Variants in CNTN6 observed in about 807,000 individuals in gnomAD.
CNTN6 encodes the protein contactin-6.
In CNTN6, 137 loss-of-function variants were observed where a neutral mutation model predicts 122.8. That is an observed-to-expected ratio of 1.12 (90% CI 0.97 to 1.29). The LOEUF is 1.29. Ranked by LOEUF, CNTN6 falls within the 50% of genes most tolerant of loss-of-function variation. The pLI, the probability that CNTN6 is intolerant of heterozygous loss-of-function variation, is 0.00. For synonymous variants in CNTN6, 570 were observed against 426.0 expected (o/e 1.34, Z -4.16); for missense variants, 1,634 against 1,223.4 (o/e 1.34, Z -5.01).
At chr3:1,301,131 G>A (rs934148152) in intron 7 of CNTN6, among the ~76,000 whole-genome samples, 3 of 143,816 alleles carry the variant, frequency 2.1e-5, no homozygotes, top group Admixed American at 7.2e-5. Flanking sequence ...CCGCGTCCCC[G>A]GTTCAAGTGA....
intron 1 of CNTN6, among the ~76,000 whole-genome samples, chr3:1,095,472 A>G (rs2090479138): frequency 6.6e-6 from 1 of 152,122 alleles, no homozygotes; most frequent in African/African-American, 2.4e-5. Context: ...CTCCATCTCA[A>G]ACAAACAAAC....
At chr3:1,201,101 GT>G (rs2093862654) in intron 2 of CNTN6, among the ~76,000 whole-genome samples, 1 of 9,400 alleles carries the variant, frequency 1.1e-4, no homozygotes, top group Non-Finnish European at 3.2e-4. Flanking sequence ...CTAACATTTT[GT>G]GTGTGTGTGT....
chr3:1,356,993 G>C (rs552608970), intron 12 of CNTN6, among the ~76,000 whole-genome samples: 1 of 151,900 alleles, frequency 6.6e-6, no homozygotes, highest in Admixed American at 6.6e-5. Flanking sequence ...TGTTGTCTTG[G>C]TCTTCATGAA....
At chr3:1,385,864 GTTCAT>G in intron 20 of CNTN6, 67 bp downstream of exon 20, 1 of 1,391,202 alleles carries the variant, frequency 7.2e-7, no homozygotes, top group Non-Finnish European at 9.6e-7. Context: ...TTTGCTTGAT[GTTCAT>G]TTCATTCCCA....
At chr3:1,281,898 T>C (rs1474937559) in intron 5 of CNTN6, among the ~76,000 whole-genome samples, 2 of 152,160 alleles carry the variant, frequency 1.3e-5, no homozygotes, top group Non-Finnish European at 2.9e-5. Context: ...ATGCTTTCTT[T>C]TTAGTGTATT....
intron 11 of CNTN6, among the ~76,000 whole-genome samples, chr3:1,341,674 A>C (rs1703910079): frequency 6.6e-6 from 1 of 152,198 alleles, no homozygotes; most frequent in Non-Finnish European, 1.5e-5. Context: ...CAAAGATCAC[A>C]CTTAAATTTT....
intron 4 of CNTN6, among the ~76,000 whole-genome samples, chr3:1,248,559 C>T (rs1248884242): frequency 6.6e-6 from 1 of 152,098 alleles, no homozygotes; most frequent in Admixed American, 6.5e-5. Flanking sequence ...TGAAGTTGGG[C>T]CTGTAATCTC....
chr3:1,282,981 C>G (rs1442453731), intron 5 of CNTN6, among the ~76,000 whole-genome samples: 2 of 151,190 alleles, frequency 1.3e-5, no homozygotes, highest in African/African-American at 4.9e-5. Context: ...ACACAAAACT[C>G]TTTTTTTTTG....
chr3:1,202,262 CG>C (rs1183055309), intron 2 of CNTN6, among the ~76,000 whole-genome samples: 1 of 152,226 alleles, frequency 6.6e-6, no homozygotes, highest in Non-Finnish European at 1.5e-5. Flanking sequence ...ATGTTTGGGC[CG>C]GGCGCGGTGG....
chr3:1,238,032 A>C (rs535014810), intron 4 of CNTN6, among the ~76,000 whole-genome samples: 5 of 152,136 alleles, frequency 3.3e-5, no homozygotes, highest in South Asian at 4.2e-4. Context: ...ACAAAAAAAA[A>C]CCACAAGGTA....
intron 4 of CNTN6, among the ~76,000 whole-genome samples, chr3:1,232,185 G>T (rs1366138882): frequency 6.6e-6 from 1 of 152,162 alleles, no homozygotes; most frequent in African/African-American, 2.4e-5. Context: ...ATGATAAAAG[G>T]TAGTCATGAA....
intron 5 of CNTN6, among the ~76,000 whole-genome samples, chr3:1,285,285 A>G (rs1461212308): frequency 1.3e-5 from 2 of 152,202 alleles, no homozygotes; most frequent in African/African-American, 2.4e-5. Flanking sequence ...AGGATTTGGG[A>G]CCGAGCAACT....
rs1388510535 is a variant in CNTN6, at chr3:1,353,072, T to G, written c.1492+621T>G. On this transcript the variant is annotated intron_variant, in intron 12 of 22. Coordinates refer to ENST00000446702, the MANE Select transcript of CNTN6 (RefSeq NM_001289080.2). Reference sequence around the variant, plus strand: ...CAGTATCAATCCAAATGTTCCTACATTTATCACCAAGGACATAATTAATAT... The same window carrying G: ...CAGTATCAATCCAAATGTTCCTACAGTTATCACCAAGGACATAATTAATAT... 4.0e-5 allele frequency among the ~76,000 whole-genome samples: 6 copies of G among 151,786 alleles called. 1 individual carries two copies. The highest frequency in any genetic ancestry group is 4.0e-4 in the Admixed American group (6 of 15,180).
chr3:1,146,447 A>T (rs1233725714), intron 1 of CNTN6, among the ~76,000 whole-genome samples: 2 of 151,936 alleles, frequency 1.3e-5, no homozygotes, highest in Non-Finnish European at 1.5e-5. Flanking sequence ...TTTTCATCCC[A>T]TGTACACACA....
chr3:1,148,204 A>G (rs1222944542), intron 2 of CNTN6, 141 bp downstream of exon 2: 4 of 621,190 alleles, frequency 6.4e-6, no homozygotes, highest in South Asian at 2.3e-5. Flanking sequence ...GGTAACTTCT[A>G]TGACTCAGAC....
At chr3:1,340,568 C>A (rs529106385) in intron 11 of CNTN6, among the ~76,000 whole-genome samples, 138 of 152,170 alleles carry the variant, frequency 9.1e-4, no homozygotes, top group African/African-American at 3.3e-3. Context: ...CGCTAAGCCC[C>A]ACAAAGGAAT....
intron 4 of CNTN6, 145 bp downstream of exon 4, chr3:1,228,138 A>G (rs546088664): frequency 1.4e-6 from 1 of 700,180 alleles, no homozygotes; most frequent in Non-Finnish European, 2.3e-6. Context: ...CATTTTGTGA[A>G]TCTAGATTCT....
chr3:1,096,946 A>G (rs925340098), intron 1 of CNTN6, among the ~76,000 whole-genome samples: 2 of 152,174 alleles, frequency 1.3e-5, no homozygotes, highest in Admixed American at 6.6e-5. Context: ...TTTCTGTGGG[A>G]CAATAGAGGA....
chr3:1,390,130 C>G (rs2126218688), intron 20 of CNTN6, among the ~76,000 whole-genome samples: 1 of 152,056 alleles, frequency 6.6e-6, no homozygotes, highest in South Asian at 2.1e-4. Context: ...CCACACCACA[C>G]CTATTCCAAA....
Sources: gnomAD v4.1 joint callset for allele counts (sites outside exome capture counted in the v4.1 genomes callset) on GRCh38, gnomAD v4.1.1 for gene constraint, MANE v1.5 for transcripts, NCBI Gene and HGNC (gene_info 2026-07-23, HGNC 2026-07-21) for gene names.